Variants in PDZRN3 observed in about 807,000 individuals in gnomAD.
PDZRN3 encodes the protein PDZ domain containing ring finger 3, also known as E3 ubiquitin-protein ligase PDZRN3.
PDZRN3 carries 38 observed loss-of-function variants against 85.7 expected under a neutral mutation model. The observed-to-expected ratio is 0.44, with a 90% CI of 0.34 to 0.58. The LOEUF is 0.58. Among genes scored for constraint, PDZRN3 ranks in the 20% least tolerant of loss-of-function variants. The pLI, the probability that PDZRN3 is intolerant of heterozygous loss-of-function variation, is 0.01. For missense variants in PDZRN3, 1,629 were observed against 1,506.4 expected (o/e 1.08, Z -1.35); for synonymous variants, 759 against 638.0 (o/e 1.19, Z -2.86).
intron 3 of PDZRN3, among the ~76,000 whole-genome samples, chr3:73,594,926 A>G (rs1702411887): frequency 6.6e-6 from 1 of 152,190 alleles, no homozygotes; most frequent in African/African-American, 2.4e-5. Flanking sequence ...ATAGTTCCAA[A>G]AACATCATTT....
intron 3 of PDZRN3, among the ~76,000 whole-genome samples, chr3:73,412,865 G>C (rs917197744): frequency 3.3e-5 from 5 of 152,174 alleles, no homozygotes. Context: ...TGATAAAGTG[G>C]TGAGGAAGGC....
chr3:73,624,853 C>A lies in PDZRN3; in HGVS notation c.-28G>T. The A allele has an allele frequency of 7.9e-7, 1 of 1,267,754 alleles. No individual in the cohort carries two copies. Among genetic ancestry groups the A allele is most frequent in the Non-Finnish European group, 9.9e-7 (1 of 1,009,180 alleles). 78.5% of individuals were successfully genotyped at this position (1,267,754 alleles called of 1,614,324 possible). ...TGGCGGCCAGGCCCCGGGGTCGCCG[C>A]CGGGCGGCCGGGCGCCCCCTCCCTC... On this transcript the variant is annotated 5_prime_UTR_variant, in exon 1 of 10. Transcript: ENST00000263666.
chr3:73,459,851 A>G (rs778013713), intron 3 of PDZRN3, among the ~76,000 whole-genome samples: 4 of 152,200 alleles, frequency 2.6e-5, no homozygotes, highest in Non-Finnish European at 5.9e-5. Flanking sequence ...GAGACTCAGA[A>G]CAGTAAAGAA....
At chr3:73,577,517 G>A (rs1289806716) in intron 3 of PDZRN3, among the ~76,000 whole-genome samples, 1 of 152,172 alleles carries the variant, frequency 6.6e-6, no homozygotes, top group Admixed American at 6.5e-5. Context: ...ACCTTGTATA[G>A]AATGGTTCTC....
chr3:73,576,705 T>C (rs995959822), intron 3 of PDZRN3, among the ~76,000 whole-genome samples: 4 of 152,210 alleles, frequency 2.6e-5, no homozygotes, highest in Admixed American at 2.6e-4. Context: ...TTGAATTCAC[T>C]GCCTAAATAC....
chr3:73,403,555 G>C (rs1338030469), intron 4 of PDZRN3, among the ~76,000 whole-genome samples: 1 of 152,190 alleles, frequency 6.6e-6, no homozygotes, highest in Non-Finnish European at 1.5e-5. Flanking sequence ...TTGAGCATCA[G>C]GTTTGTCTGA....
rs987870313 is a variant in PDZRN3, at chr3:73,552,021, T to A, written c.918+50333A>T. On this transcript the variant is annotated intron_variant, in intron 3 of 9. Coordinates refer to ENST00000263666, the MANE Select transcript of PDZRN3 (RefSeq NM_015009.3). ...AGTGACTGATTCCTATGACCTTCCA[T>A]CCCCCTTCACTGCCTTTCCTTCTTT... Among the ~76,000 whole-genome samples the A allele has an allele frequency of 1.1e-4, 17 of 152,236 alleles. No homozygotes were observed. In the East Asian group the frequency reaches 1.9e-3, roughly 17 times the overall value.
chr3:73,601,046 A>G (rs1036944929), intron 3 of PDZRN3, among the ~76,000 whole-genome samples: 3 of 152,234 alleles, frequency 2.0e-5, no homozygotes, highest in African/African-American at 7.2e-5. Flanking sequence ...AAGTTAGCAC[A>G]TCACACTCCC....
At chr3:73,404,563 GGAAA>G (rs1701816820) in intron 3 of PDZRN3, 168 bp from the exon 4 acceptor site, 3 of 641,748 alleles carry the variant, frequency 4.7e-6, no homozygotes, top group Non-Finnish European at 7.9e-6. Context: ...AATGCCTGGT[GGAAA>G]GAGAGTGAGT....
chr3:73,486,830 G>A (rs1703671853), intron 3 of PDZRN3, among the ~76,000 whole-genome samples: 1 of 152,156 alleles, frequency 6.6e-6, no homozygotes, highest in African/African-American at 2.4e-5. Flanking sequence ...TCAAAGGTCA[G>A]ATATTTTATT....
intron 6 of PDZRN3, among the ~76,000 whole-genome samples, chr3:73,390,634 A>T (rs546830582): frequency 1.7e-4 from 10 of 58,618 alleles, no homozygotes; most frequent in African/African-American, 3.7e-4. Flanking sequence ...GAGAAAAAAA[A>T]ATGTGTGTGT....
intron 3 of PDZRN3, among the ~76,000 whole-genome samples, chr3:73,568,348 G>A (rs1329573461): frequency 6.6e-6 from 1 of 152,208 alleles, no homozygotes; most frequent in East Asian, 1.9e-4. Context: ...TAAAAAAGCA[G>A]GTGGCTTGAG....
chr3:73,471,306 C>A (rs972725491), intron 3 of PDZRN3, among the ~76,000 whole-genome samples: 2 of 152,144 alleles, frequency 1.3e-5, no homozygotes, highest in African/African-American at 2.4e-5. Flanking sequence ...AAGGTCCCCC[C>A]CCAGGTTTCA....
rs539089267 is a variant in PDZRN3, at chr3:73,465,905, TGA to T, written c.919-61512_919-61511del. Among the ~76,000 whole-genome samples the T allele has an allele frequency of 2.4e-4, 37 of 152,370 alleles. 1 individual carries two copies. In the South Asian group the frequency reaches 7.2e-3, roughly 30 times the overall value. On this transcript the variant is annotated intron_variant, in intron 3 of 9. Coordinates refer to ENST00000263666, the MANE Select transcript of PDZRN3 (RefSeq NM_015009.3). ...AGCAAATTCTGGCCTTTCAATTGAC[TGA>T]ATTTTGCATTGAGGAATGAATTGCT... is the stretch of plus-strand genomic sequence containing the variant.
intron 3 of PDZRN3, among the ~76,000 whole-genome samples, chr3:73,520,416 A>G (rs1365194180): frequency 6.6e-6 from 1 of 152,130 alleles, no homozygotes; most frequent in Non-Finnish European, 1.5e-5. Context: ...AGGCAGGAGG[A>G]ACGCTTGAGC....
At chr3:73,389,320 A>C (rs1701469768) in intron 7 of PDZRN3, among the ~76,000 whole-genome samples, 1 of 152,194 alleles carries the variant, frequency 6.6e-6, no homozygotes, top group South Asian at 2.1e-4. Context: ...AAGCGATTCC[A>C]GGATGGTTAG....
intron 3 of PDZRN3, among the ~76,000 whole-genome samples, chr3:73,544,376 T>TA (rs1701369411): frequency 6.6e-6 from 1 of 152,184 alleles, no homozygotes; most frequent in African/African-American, 2.4e-5. Context: ...TTTGAACTGT[T>TA]ACGTATTTTT....
chr3:73,389,397 T>G (rs1701471488), intron 7 of PDZRN3, among the ~76,000 whole-genome samples: 1 of 152,206 alleles, frequency 6.6e-6, no homozygotes, highest in African/African-American at 2.4e-5. Flanking sequence ...AATGTTCCCC[T>G]TTTATGGACG....
chr3:73,620,677 C>T (rs918360017), intron 1 of PDZRN3, among the ~76,000 whole-genome samples: 4 of 151,796 alleles, frequency 2.6e-5, no homozygotes, highest in East Asian at 2.0e-4. Flanking sequence ...CCCAGGTTCA[C>T]GCCATTCTCC....
Sources: gnomAD v4.1 joint callset for allele counts (sites outside exome capture counted in the v4.1 genomes callset) on GRCh38, gnomAD v4.1.1 for gene constraint, MANE v1.5 for transcripts, NCBI Gene and HGNC (gene_info 2026-07-23, HGNC 2026-07-21) for gene names.